Variants in ZBTB8A observed in about 807,000 individuals in gnomAD.
ZBTB8A encodes the protein zinc finger and BTB domain containing 8A.
ZBTB8A carries 19 observed loss-of-function variants against 37.8 expected under a neutral mutation model. That is an observed-to-expected ratio of 0.50 (90% CI 0.35 to 0.74). The LOEUF (loss-of-function observed/expected upper bound fraction) is 0.74. Among genes scored for constraint, ZBTB8A ranks in the 30% least tolerant of loss-of-function variants. ZBTB8A has a pLI of 0.01. For missense variants in ZBTB8A, 394 were observed against 537.8 expected, an observed-to-expected ratio of 0.73 and a Z score of 2.65; for synonymous variants, 181 against 185.2, an observed-to-expected ratio of 0.98 and a Z score of 0.19.
chr1:32,546,443 C>CAA (rs564314196), intron 1 of ZBTB8A, among the ~76,000 whole-genome samples: 1 of 134,646 alleles, frequency 7.4e-6, no homozygotes, highest in African/African-American at 2.8e-5. Context: ...GACTCTGTCT[C>CAA]AAAAAAAAAA....
At chr1:32,596,440 G>T (rs972987460) in intron 4 of ZBTB8A, among the ~76,000 whole-genome samples, 2 of 150,746 alleles carry the variant, frequency 1.3e-5, no homozygotes, top group Admixed American at 1.3e-4. Context: ...AAATTAGCTG[G>T]CATGGTAGCG....
In ZBTB8A at chr1:32,603,262, C is replaced by A; in HGVS notation, c.*2843C>A. On this transcript the variant is annotated 3_prime_UTR_variant, in exon 5 of 5. Transcript: ENST00000373510. ...CTCCTGCCTCAGCCTCCTGAGTAGCCGGGACTACAGGCATGTGCCACCATG... is the reference window on the plus strand; with the variant it reads ...CTCCTGCCTCAGCCTCCTGAGTAGCAGGGACTACAGGCATGTGCCACCATG... 6.6e-6 allele frequency: 1 copy of A among 152,448 alleles called. No individual in the cohort carries two copies. Among genetic ancestry groups the A allele is most frequent in the African/African-American group, 2.4e-5 (1 of 41,526 alleles). The allele number at this position is 152,448 out of a possible 1,614,324, so 9.4% of individuals were successfully genotyped here.
At chr1:32,554,341 T>C (rs1041608415) in intron 2 of ZBTB8A, among the ~76,000 whole-genome samples, 4 of 151,938 alleles carry the variant, frequency 2.6e-5, no homozygotes, top group Non-Finnish European at 5.9e-5. Context: ...ATTGCTAATT[T>C]TTTTTAATGA....
intron 4 of ZBTB8A, among the ~76,000 whole-genome samples, chr1:32,596,305 G>A (rs1644531036): frequency 6.6e-6 from 1 of 151,244 alleles, no homozygotes; most frequent in Admixed American, 6.6e-5. Context: ...GGGAGGCGGA[G>A]CTTGCAGTGA....
intron 2 of ZBTB8A, among the ~76,000 whole-genome samples, chr1:32,557,582 C>T (rs986629778): frequency 1.1e-4 from 16 of 152,076 alleles, no homozygotes. Context: ...CCCACCTCAG[C>T]CCCCAAGTAG....
At chr1:32,595,319 G>A in intron 4 of ZBTB8A, 96 bp downstream of exon 4, 16 of 1,234,126 alleles carry the variant, frequency 1.3e-5, no homozygotes, top group East Asian at 2.4e-5. Flanking sequence ...CCAGGCTGGA[G>A]TACAATGGTG....
chr1:32,549,303 G>A (rs1267834491), intron 1 of ZBTB8A, among the ~76,000 whole-genome samples: 2 of 152,094 alleles, frequency 1.3e-5, no homozygotes, highest in Non-Finnish European at 2.9e-5. Flanking sequence ...AGACCAGCCT[G>A]GTCAACATGG....
At chr1:32,544,314 A>G (rs895422270) in intron 1 of ZBTB8A, among the ~76,000 whole-genome samples, 2 of 152,264 alleles carry the variant, frequency 1.3e-5, no homozygotes, top group Admixed American at 6.5e-5. Context: ...TGTATGGTAT[A>G]GCCTATGGCT....
At chr1:32,540,336 C>T (rs1323031881) in intron 1 of ZBTB8A, among the ~76,000 whole-genome samples, 1 of 152,166 alleles carries the variant, frequency 6.6e-6, no homozygotes, top group African/African-American at 2.4e-5. Flanking sequence ...GGTAGATTCA[C>T]ACACACCTGG....
chr1:32,539,996 G>A (rs1168670316), intron 1 of ZBTB8A, among the ~76,000 whole-genome samples: 1 of 151,668 alleles, frequency 6.6e-6, no homozygotes, highest in Admixed American at 6.6e-5. Context: ...GCCGGGGCCG[G>A]AGTCTCTGCG....
rs1345184979 is a variant in ZBTB8A at position 32,592,942 on chromosome 1, C to T, written c.11C>T (p.Ser4Phe). The change falls in exon 3 of 5, where the codon TCC becomes TTC. Residue 4 changes from serine to phenylalanine, a missense_variant. Around this residue, in one of 4 missense-constraint regions of ZBTB8A, gnomAD observed 96 missense variants for 165.6 expected, o/e 0.58. Transcript: ENST00000373510. The stretch of plus-strand genomic sequence containing the variant: ...CTTTTCCTCTTCAGAATGGAGATCT[C>T]CTCTCATCAGTCTCACCTCCTGCAG... MEI[S>F]SHQSHLLQQL... 6.8e-6 allele frequency: 11 copies of T among 1,606,576 alleles called. No individual in the cohort carries two copies. The highest frequency in any genetic ancestry group is 9.4e-6 in the Non-Finnish European group (11 of 1,176,234).
At chr1:32,587,025 A>C (rs995405338) in intron 2 of ZBTB8A, among the ~76,000 whole-genome samples, 2 of 151,704 alleles carry the variant, frequency 1.3e-5, no homozygotes, top group Non-Finnish European at 2.9e-5. Context: ...CGGGCGGTTG[A>C]GGTCAGGAGT....
Position 32,546,292 on chromosome 1 carries a change from T to A in ZBTB8A, c.-84+6720T>A, listed in dbSNP as rs561934485. ...AACCCTGTCTCTGTTAAAAATATAA[T>A]AATTAGCCAGGTGTGGTGGTGCGTG... On this transcript the variant is annotated intron_variant, in intron 1 of 4. Transcript: ENST00000373510. Among the ~76,000 whole-genome samples, 6 of 151,804 alleles carry A rather than the reference T, an allele frequency of 4.0e-5. 1 individual carries two copies. The South Asian group carries it at 1.3e-3, about 32-fold the overall frequency.
chr1:32,590,077 CT>C (rs200664389), intron 2 of ZBTB8A, among the ~76,000 whole-genome samples: 10 of 150,788 alleles, frequency 6.6e-5, no homozygotes, highest in Admixed American at 1.3e-4. Flanking sequence ...GTTAATTTTT[CT>C]TTTTTTTTAA....
Position 32,592,927 on chromosome 1 carries a change from T to C in ZBTB8A, c.-1-4T>C, listed in dbSNP as rs1644501001. ...GGTAACCACATGTGTCTTTTCCTCT[T>C]CAGAATGGAGATCTCCTCTCATCAG... On this transcript the variant is annotated splice_polypyrimidine_tract_variant and splice_region_variant and intron_variant, in intron 2 of 4. Transcript: ENST00000373510. 1 of 1,589,086 alleles carries C rather than the reference T, an allele frequency of 6.3e-7. No individual in the cohort carries two copies. Among genetic ancestry groups the C allele is most frequent in the Non-Finnish European group, 8.6e-7 (1 of 1,169,010 alleles).
chr1:32,544,240 T>C (rs1305489672), intron 1 of ZBTB8A, among the ~76,000 whole-genome samples: 3 of 152,264 alleles, frequency 2.0e-5, no homozygotes, highest in Admixed American at 6.5e-5. Context: ...TTTTTGTTGT[T>C]GTGTGAACAT....
intron 2 of ZBTB8A, among the ~76,000 whole-genome samples, chr1:32,568,073 T>C (rs1007388269): frequency 6.6e-6 from 1 of 151,310 alleles, no homozygotes; most frequent in South Asian, 2.1e-4. Context: ...ACCTGGGAGC[T>C]GGGAGGCAGA....
chr1:32,601,455 CAA>C lies in ZBTB8A; in HGVS notation c.*1037_*1038del, dbSNP rs1644575310. 1 of 383,078 alleles carries C rather than the reference CAA, an allele frequency of 2.6e-6. No individual in the cohort carries two copies. The highest frequency in any genetic ancestry group is 4.6e-6 in the Non-Finnish European group (1 of 217,156). 23.7% of individuals were successfully genotyped at this position (383,078 alleles called of 1,614,324 possible). A position where few individuals can be genotyped will look rare whatever the true frequency, so the allele number is the denominator to read the frequency against. On this transcript the variant is annotated 3_prime_UTR_variant, in exon 5 of 5. Transcript: ENST00000373510. Reference sequence around the variant, plus strand: ...CACCATTGCACTCCAGCCTGGGCAACAAGAGCGAAACTCCGTCTCAAAAAAAA... The same window carrying C: ...CACCATTGCACTCCAGCCTGGGCAACGAGCGAAACTCCGTCTCAAAAAAAA...
chr1:32,542,419 A>C (rs962360332), intron 1 of ZBTB8A, among the ~76,000 whole-genome samples: 3 of 152,148 alleles, frequency 2.0e-5, no homozygotes, highest in Admixed American at 6.6e-5. Flanking sequence ...TTTACTAAAA[A>C]TACAAAAATT....
Sources: allele counts gnomAD v4.1 joint callset (sites outside exome capture counted in the v4.1 genomes callset), GRCh38; gene constraint gnomAD v4.1.1; regional missense constraint gnomAD v4.1.1; transcripts MANE v1.5; gene names NCBI Gene and HGNC (gene_info 2026-07-23, HGNC 2026-07-21).